CARMIL1: variants seen among roughly 807,000 people sequenced by gnomAD.
CARMIL1 encodes capping protein regulator and myosin 1 linker 1.
CARMIL1 carries 90 observed loss-of-function variants against 177.1 expected under a neutral mutation model. The ratio of observed to expected loss-of-function variants is 0.51; its 90% confidence interval spans 0.43 to 0.61. The LOEUF (loss-of-function observed/expected upper bound fraction) is 0.61, where lower values mean the gene tolerates loss of function less well. Among genes scored for constraint, CARMIL1 ranks in the 20% least tolerant of loss-of-function variants. The pLI is 0.00. For missense variants in CARMIL1, 1,380 were observed against 1,667.0 expected, an observed-to-expected ratio of 0.83 and a Z score of 3.00; for synonymous variants, 577 against 606.2, an observed-to-expected ratio of 0.95 and a Z score of 0.71.
intron 33 of CARMIL1, among the ~76,000 whole-genome samples, chr6:25,601,318 G>A (rs886823775): frequency 3.3e-5 from 5 of 152,088 alleles, no homozygotes; most frequent in South Asian, 4.2e-4. Flanking sequence ...TGAAGACTCC[G>A]GTCTTTCCCC....
chr6:25,604,519 A>G (rs1474179165), intron 33 of CARMIL1, among the ~76,000 whole-genome samples: 3 of 152,178 alleles, frequency 2.0e-5, no homozygotes, highest in Non-Finnish European at 4.4e-5. Flanking sequence ...AAGGTCACCA[A>G]GCCCACTGAC....
rs530340689 is a variant in CARMIL1, at chr6:25,616,937, G to A, written c.3980-2510G>A. 2.6e-5 allele frequency among the ~76,000 whole-genome samples: 4 copies of A among 152,190 alleles called. No homozygotes were observed. In the South Asian group the frequency reaches 8.3e-4, roughly 32 times the overall value. On this transcript the variant is annotated intron_variant, in intron 36 of 36. Transcript: ENST00000329474. ...GCCTTAGTTTTCCTGTTCTTGAATG[G>A]TGCTTACCTACTATACTAAGAACAT...
chr6:25,565,151 T>C (rs180841013), intron 29 of CARMIL1, among the ~76,000 whole-genome samples: 188 of 152,350 alleles, frequency 1.2e-3, no homozygotes, highest in African/African-American at 4.0e-3. Flanking sequence ...GGAACTAGTA[T>C]AAATTGAGGA....
chr6:25,385,420 A>G (rs215010), intron 2 of CARMIL1, among the ~76,000 whole-genome samples: 62,501 of 151,996 alleles, frequency 0.41, 13,108 homozygotes, highest in Non-Finnish European at 0.44. Context: ...TGTGGTTTTC[A>G]GGGAGTGAGG....
intron 36 of CARMIL1, among the ~76,000 whole-genome samples, chr6:25,617,499 A>C (rs553214926): frequency 8.3e-4 from 126 of 152,292 alleles, no homozygotes; most frequent in African/African-American, 2.8e-3. Flanking sequence ...AGTGTATTAT[A>C]TTTGTTTCTT....
In CARMIL1 at chr6:25,424,515, C is replaced by T. The variant is rs147152001; in HGVS notation, c.190-1986C>T. ...GCATGTAAGAGAGGGTACCTGCTCA[C>T]ACCTATTCACACCTGCTACCACCCA... On this transcript the variant is annotated intron_variant, in intron 3 of 36. Transcript: ENST00000329474. Among the ~76,000 whole-genome samples the T allele has an allele frequency of 7.8e-4, 119 of 152,314 alleles. 1 individual carries two copies. The highest frequency in any genetic ancestry group is 2.7e-3 in the African/African-American group (114 of 41,566).
intron 2 of CARMIL1, among the ~76,000 whole-genome samples, chr6:25,315,543 G>A (rs1226120321): frequency 6.6e-6 from 1 of 152,018 alleles, no homozygotes; most frequent in East Asian, 1.9e-4. Flanking sequence ...ACCGCTGCCT[G>A]CTTTTTTTCT....
At chr6:25,490,023 T>TTTCTGGC (rs113770135) in intron 13 of CARMIL1, among the ~76,000 whole-genome samples, 4,372 of 152,272 alleles carry the variant, frequency 0.029, 195 homozygotes, top group African/African-American at 0.098. Flanking sequence ...AAGATTTCTT[T>TTTCTGGC]TTCTGGCCAG....
intron 24 of CARMIL1, among the ~76,000 whole-genome samples, chr6:25,530,780 A>T (rs112006877): frequency 2.6e-5 from 4 of 152,338 alleles, no homozygotes; most frequent in African/African-American, 7.2e-5. Context: ...AAATCGTAGA[A>T]GTTATACAAG....
At chr6:25,489,953 A>G (rs888493288) in intron 13 of CARMIL1, among the ~76,000 whole-genome samples, 2 of 152,236 alleles carry the variant, frequency 1.3e-5, no homozygotes. Flanking sequence ...AAGGCTAAAG[A>G]TTAATAAGAT....
chr6:25,281,725 C>CTGA (rs1333365266), intron 1 of CARMIL1, among the ~76,000 whole-genome samples: 2 of 152,134 alleles, frequency 1.3e-5, no homozygotes, highest in Non-Finnish European at 1.5e-5. Flanking sequence ...AATTCAAGTG[C>CTGA]TCACAAGAGT....
At chr6:25,486,069 C>G (rs2150982717) in intron 12 of CARMIL1, among the ~76,000 whole-genome samples, 1 of 152,244 alleles carries the variant, frequency 6.6e-6, no homozygotes, top group South Asian at 2.1e-4. Flanking sequence ...TATGTCAAGG[C>G]AGAACCATCT....
chr6:25,394,419 G>T (rs895103037), intron 2 of CARMIL1, among the ~76,000 whole-genome samples: 1 of 152,246 alleles, frequency 6.6e-6, no homozygotes, highest in Non-Finnish European at 1.5e-5. Flanking sequence ...CACAGTTCCT[G>T]AGGGGCTAAG....
intron 2 of CARMIL1, among the ~76,000 whole-genome samples, chr6:25,415,053 A>G (rs900897083): frequency 6.6e-6 from 1 of 152,244 alleles, no homozygotes. Flanking sequence ...GAAGGTAGAA[A>G]TGATCATTAG....
At chr6:25,487,089 G>A (rs1215230402) in intron 12 of CARMIL1, among the ~76,000 whole-genome samples, 1 of 152,080 alleles carries the variant, frequency 6.6e-6, no homozygotes, top group African/African-American at 2.4e-5. Context: ...CCACCCAAAT[G>A]TGCGCCCACT....
chr6:25,373,332 G>A (rs936408325), intron 2 of CARMIL1, among the ~76,000 whole-genome samples: 21 of 148,888 alleles, frequency 1.4e-4, no homozygotes, highest in African/African-American at 4.4e-4. Context: ...TCAGCAGATT[G>A]GTACCAATTT....
At chr6:25,594,028 C>G (rs1270840864) in intron 31 of CARMIL1, among the ~76,000 whole-genome samples, 2 of 152,138 alleles carry the variant, frequency 1.3e-5, no homozygotes, top group Non-Finnish European at 2.9e-5. Context: ...CCACACACCT[C>G]AGGGCCCTGG....
chr6:25,563,795 C>G, intron 29 of CARMIL1: 1 of 985,306 alleles, frequency 1.0e-6, no homozygotes, highest in Non-Finnish European at 1.2e-6. Flanking sequence ...ACAGAACCAC[C>G]GTCTGTGTAA....
chr6:25,294,484 C>G (rs1345459253), intron 2 of CARMIL1, among the ~76,000 whole-genome samples: 1 of 152,174 alleles, frequency 6.6e-6, no homozygotes, highest in Non-Finnish European at 1.5e-5. Context: ...CCTCCGACAG[C>G]TAGGTATCTA....
Sources: gnomAD v4.1 joint callset for allele counts (sites outside exome capture counted in the v4.1 genomes callset) on GRCh38, gnomAD v4.1.1 for gene constraint, MANE v1.5 for transcripts, NCBI Gene and HGNC (gene_info 2026-07-23, HGNC 2026-07-21) for gene names.